SOX6: variants seen among roughly 807,000 people sequenced by gnomAD.
SOX6 encodes the protein transcription factor SOX-6.
Under a neutral mutation model 97.8 loss-of-function variants are expected in SOX6, and 11 were observed. The observed-to-expected ratio is 0.11, with a 90% confidence interval of 0.07 to 0.19. The LOEUF (loss-of-function observed/expected upper bound fraction) is 0.19. Ranked by LOEUF, SOX6 falls within the 10% of genes least tolerant of loss-of-function variation. The pLI is 1.00. For missense variants in SOX6, 810 were observed against 1,039.5 expected, an observed-to-expected ratio of 0.78 and a Z score of 3.04; for synonymous variants, 360 against 371.4, an observed-to-expected ratio of 0.97 and a Z score of 0.35.
intron 3 of SOX6, among the ~76,000 whole-genome samples, chr11:16,285,202 T>A (rs888073046): frequency 6.6e-6 from 1 of 152,146 alleles, no homozygotes; most frequent in Non-Finnish European, 1.5e-5. Context: ...GCTAATTAAC[T>A]GAATGTTTTA....
intron 1 of SOX6, among the ~76,000 whole-genome samples, chr11:16,458,124 C>T (rs1251631326): frequency 1.3e-5 from 2 of 151,996 alleles, no homozygotes; most frequent in East Asian, 3.9e-4. Flanking sequence ...TTCATTTACT[C>T]AAATGTTCTT....
chr11:15,996,102 G>GT (rs1260344821), intron 13 of SOX6, among the ~76,000 whole-genome samples: 2 of 152,228 alleles, frequency 1.3e-5, no homozygotes, highest in East Asian at 3.9e-4. Flanking sequence ...ATTGTCTAAT[G>GT]TTTTTAAAAG....
At chr11:16,467,555 T>C (rs1285091204) in intron 1 of SOX6, among the ~76,000 whole-genome samples, 1 of 152,108 alleles carries the variant, frequency 6.6e-6, no homozygotes, top group East Asian at 1.9e-4. Context: ...AAATACCACA[T>C]ATTCTTACTT....
chr11:16,726,596 T>A (rs2352663), intron 2 of SOX6, among the ~76,000 whole-genome samples: 1 of 152,122 alleles, frequency 6.6e-6, no homozygotes, highest in Non-Finnish European at 1.5e-5. Context: ...GGAAAATACA[T>A]GTGATATAAC....
chr11:16,106,088 G>A (rs528598568), intron 7 of SOX6, among the ~76,000 whole-genome samples: 1 of 152,038 alleles, frequency 6.6e-6, no homozygotes, highest in Non-Finnish European at 1.5e-5. Context: ...CTGTGCTCAT[G>A]GGTAGGAAGA....
chr11:16,668,184 C>T (rs1047873340), intron 3 of SOX6, among the ~76,000 whole-genome samples: 1 of 152,088 alleles, frequency 6.6e-6, no homozygotes, highest in Non-Finnish European at 1.5e-5. Context: ...ACCAGCCAGG[C>T]CAACATGGGG....
At chr11:16,681,128 C>G (rs377186501) in intron 3 of SOX6, among the ~76,000 whole-genome samples, 13 of 152,304 alleles carry the variant, frequency 8.5e-5, no homozygotes, top group East Asian at 7.7e-4. Flanking sequence ...ATCTACAAAA[C>G]CCTCCACCCC....
At chr11:16,254,691 A>G (rs564762713) in intron 3 of SOX6, among the ~76,000 whole-genome samples, 7 of 152,188 alleles carry the variant, frequency 4.6e-5, no homozygotes, top group African/African-American at 1.4e-4. Context: ...AAAAGGCAAA[A>G]AAAAGGCAGG....
At chr11:16,205,966 T>C (rs1852061274) in intron 4 of SOX6, among the ~76,000 whole-genome samples, 2 of 152,080 alleles carry the variant, frequency 1.3e-5, no homozygotes, top group African/African-American at 4.8e-5. Flanking sequence ...TAGTGTGGGC[T>C]CTCTGCAATA....
chr11:16,208,423 A>G (rs749990201), intron 4 of SOX6, among the ~76,000 whole-genome samples: 5 of 152,238 alleles, frequency 3.3e-5, no homozygotes, highest in African/African-American at 4.8e-5. Context: ...AGCAATGGTG[A>G]GTGAAATTCC....
At chr11:16,386,145 T>C (rs1857977135) in intron 1 of SOX6, among the ~76,000 whole-genome samples, 1 of 152,088 alleles carries the variant, frequency 6.6e-6, no homozygotes, top group Non-Finnish European at 1.5e-5. Context: ...ATTAGCAGAG[T>C]TGTTGTTTTT....
At chr11:16,129,690 G>A (rs1218374566) in intron 6 of SOX6, among the ~76,000 whole-genome samples, 2 of 152,116 alleles carry the variant, frequency 1.3e-5, no homozygotes, top group African/African-American at 4.8e-5. Context: ...GAATAAAGGA[G>A]CAAAAACATA....
intron 3 of SOX6, among the ~76,000 whole-genome samples, chr11:16,637,599 T>C (rs975521110): frequency 6.6e-6 from 1 of 152,184 alleles, no homozygotes; most frequent in Admixed American, 6.5e-5. Context: ...AAACACTGGA[T>C]GTTGATTAGG....
At chr11:15,992,832 G>T (rs2119822277) in intron 13 of SOX6, among the ~76,000 whole-genome samples, 1 of 152,254 alleles carries the variant, frequency 6.6e-6, no homozygotes, top group South Asian at 2.1e-4. Flanking sequence ...TATGCAGAAA[G>T]ATAGATGTTT....
intron 4 of SOX6, among the ~76,000 whole-genome samples, chr11:16,601,538 C>T (rs1848269688): frequency 6.6e-6 from 1 of 152,096 alleles, no homozygotes; most frequent in Admixed American, 6.5e-5. Context: ...TGAATTCTCT[C>T]ACTAACAAGA....
chr11:16,401,819 A>G (rs957733865), intron 1 of SOX6, among the ~76,000 whole-genome samples: 3 of 151,476 alleles, frequency 2.0e-5, no homozygotes, highest in Non-Finnish European at 3.0e-5. Context: ...GAATTTGAAA[A>G]TCTCCCCAAC....
chr11:16,523,472 C>A (rs1395930245), intron 4 of SOX6, among the ~76,000 whole-genome samples: 1 of 152,032 alleles, frequency 6.6e-6, no homozygotes, highest in Non-Finnish European at 1.5e-5. Context: ...CTCTGGGACA[C>A]ATTCAAAGCA....
At chr11:16,031,579 A>G (rs1217469573) in intron 12 of SOX6, 1 of 152,150 alleles carries the variant, frequency 6.6e-6, no homozygotes, top group Non-Finnish European at 1.5e-5. Flanking sequence ...TACACACTAG[A>G]GCCCTGCCAT....
At chr11:16,325,816 G>T (rs1856070839) in intron 2 of SOX6, among the ~76,000 whole-genome samples, 1 of 152,156 alleles carries the variant, frequency 6.6e-6, no homozygotes. Flanking sequence ...TAAGTTATGA[G>T]AACAGAGCCC....
Sources: gnomAD v4.1 joint callset for allele counts (sites outside exome capture counted in the v4.1 genomes callset) on GRCh38, gnomAD v4.1.1 for gene constraint, MANE v1.5 for transcripts, NCBI Gene and HGNC (gene_info 2026-07-23, HGNC 2026-07-21) for gene names.